The following EYA3 variants were observed in gnomAD, a reference collection of about 807,000 sequenced individuals.
The protein encoded by EYA3 is EYA transcriptional coactivator and phosphatase 3.
Under a neutral mutation model 80.0 loss-of-function variants are expected in EYA3, and 39 were observed. That is an observed-to-expected ratio of 0.49 (90% CI 0.38 to 0.64). The LOEUF is 0.64. Ranked by LOEUF, EYA3 falls within the 30% of genes least tolerant of loss-of-function variation. The probability of loss-of-function intolerance (pLI) is 0.00; values close to 1 mark genes in which losing one functional copy is unlikely to be tolerated. For missense variants in EYA3, 523 were observed against 676.1 expected (o/e 0.77, Z 2.51); for synonymous variants, 206 against 232.8 (o/e 0.88, Z 1.05).
intron 1 of EYA3, among the ~76,000 whole-genome samples, chr1:28,064,401 T>C (rs1325856695): frequency 3.4e-5 from 5 of 144,952 alleles, no homozygotes; most frequent in Non-Finnish European, 7.5e-5. Flanking sequence ...TATAAATATA[T>C]AGAGCCTGCG....
rs372723601 is a variant in EYA3, at chr1:28,072,727, G to T, written c.-68-14633C>A. The stretch of plus-strand genomic sequence containing the variant: ...TACAATCCTTCAATCCCATTCCGAG[G>T]TATCTACCTAAGTGAAAAGAATACT... On this transcript the variant is annotated intron_variant, in intron 1 of 17. Transcript: ENST00000373871. Among the ~76,000 whole-genome samples, 12 of 152,118 alleles carry T rather than the reference G, an allele frequency of 7.9e-5. No individual in the cohort carries two copies. The East Asian group carries it at 2.3e-3, about 29-fold the overall frequency.
chr1:28,032,581 TAA>T (rs1643213227), intron 6 of EYA3, among the ~76,000 whole-genome samples: 1 of 152,162 alleles, frequency 6.6e-6, no homozygotes, highest in Admixed American at 6.6e-5. Flanking sequence ...CAGTGGCACC[TAA>T]AGGCATATTT....
In EYA3 at chr1:28,074,076, GTTTA is replaced by G. The variant is rs1414391098; in HGVS notation, c.-69+14444_-69+14447del. ...AACTATAAAAACAGTTGGATCAACA[GTTTA>G]TTTATGAGTACAGAGATTGAAATGT... On this transcript the variant is annotated intron_variant, in intron 1 of 17. Coordinates refer to ENST00000373871, the MANE Select transcript of EYA3 (RefSeq NM_001990.4). 4.6e-5 allele frequency among the ~76,000 whole-genome samples: 7 copies of G among 152,290 alleles called. No individual in the cohort carries two copies. In the East Asian group the frequency reaches 1.2e-3, roughly 25 times the overall value.
At chr1:27,982,003 TA>T (rs1639335865) in intron 16 of EYA3, among the ~76,000 whole-genome samples, 1 of 140,384 alleles carries the variant, frequency 7.1e-6, no homozygotes, top group African/African-American at 2.7e-5. Flanking sequence ...CACACCTGGC[TA>T]ATTTTTTTTT....
chr1:28,063,331 G>A, intron 1 of EYA3, among the ~76,000 whole-genome samples: 1 of 140,180 alleles, frequency 7.1e-6, no homozygotes. Flanking sequence ...AATTTTTTTT[G>A]GGGGGGGAAA....
intron 4 of EYA3, 23 bp downstream of exon 4, chr1:28,042,548 C>A: frequency 6.3e-7 from 1 of 1,588,352 alleles, no homozygotes; most frequent in South Asian, 1.1e-5. Flanking sequence ...TCTGTTCAAT[C>A]ATGCACAGAA....
At chr1:28,047,422 A>T (rs1644053132) in intron 3 of EYA3, among the ~76,000 whole-genome samples, 1 of 152,160 alleles carries the variant, frequency 6.6e-6, no homozygotes, top group African/African-American at 2.4e-5. Flanking sequence ...AGTTTAAGAC[A>T]TCATATGGCT....
Position 28,038,838 on chromosome 1 carries a change from C to G in EYA3, c.224+1G>C, listed in dbSNP as rs1171784131. On this transcript the variant is annotated splice_donor_variant, in intron 5 of 17. Coordinates refer to ENST00000373871, the MANE Select transcript of EYA3 (RefSeq NM_001990.4). LOFTEE classifies it high-confidence loss of function. ...ATTTTGGAAATAATTATTCAACTTACTTTGCAGAATACATTTGTGAGGTAT... is the reference window on the plus strand; with the variant it reads ...ATTTTGGAAATAATTATTCAACTTAGTTTGCAGAATACATTTGTGAGGTAT... 1 of 1,545,522 alleles carries G rather than the reference C, an allele frequency of 6.5e-7. No homozygotes were observed. Among genetic ancestry groups the G allele is most frequent in the East Asian group, 2.3e-5 (1 of 43,424 alleles).
intron 1 of EYA3, among the ~76,000 whole-genome samples, chr1:28,059,204 A>C (rs182956529): frequency 6.6e-6 from 1 of 152,336 alleles, no homozygotes; most frequent in East Asian, 1.9e-4. Flanking sequence ...TGAAAAGGAG[A>C]GAAAACACAC....
chr1:28,037,561 AG>A (rs1438068202), intron 5 of EYA3, among the ~76,000 whole-genome samples: 4 of 140,430 alleles, frequency 2.8e-5, no homozygotes, highest in African/African-American at 1.2e-4. Context: ...TTTTTCATGC[AG>A]AGTCTTTGTA....
At chr1:28,084,868 CA>C (rs1311380869) in intron 1 of EYA3, among the ~76,000 whole-genome samples, 1 of 151,578 alleles carries the variant, frequency 6.6e-6, no homozygotes, top group Non-Finnish European at 1.5e-5. Flanking sequence ...CTTGGCCTCC[CA>C]AAGTGCTGAC....
At chr1:27,977,467 A>G in intron 17 of EYA3, 1 of 1,372,072 alleles carries the variant, frequency 7.3e-7, no homozygotes, top group South Asian at 1.3e-5. Context: ...CTCAAAGAGG[A>G]TAATTGTTCA....
intron 7 of EYA3, among the ~76,000 whole-genome samples, chr1:28,020,631 T>G (rs36197101): frequency 0.13 from 20,242 of 150,530 alleles, 1,808 homozygotes; most frequent in Middle Eastern, 0.23. Context: ...CAGCTATGAC[T>G]AAAAAGCCAG....
intron 13 of EYA3, among the ~76,000 whole-genome samples, chr1:27,997,085 C>T (rs1036169360): frequency 8.5e-5 from 13 of 152,198 alleles, no homozygotes; most frequent in African/African-American, 3.1e-4. Flanking sequence ...CCAGTGTTGG[C>T]ACTACCCACT....
At chr1:28,071,408 ATAGT>A (rs1226304055) in intron 1 of EYA3, among the ~76,000 whole-genome samples, 2 of 152,154 alleles carry the variant, frequency 1.3e-5, no homozygotes, top group Non-Finnish European at 2.9e-5. Flanking sequence ...CTCTCATGTA[ATAGT>A]TATACAGTAA....
At chr1:27,975,675 T>A (rs1241820949) in intron 17 of EYA3, among the ~76,000 whole-genome samples, 1 of 151,724 alleles carries the variant, frequency 6.6e-6, no homozygotes, top group African/African-American at 2.4e-5. Context: ...TTAGTAGAGA[T>A]GGGGTTTCAC....
intron 10 of EYA3, among the ~76,000 whole-genome samples, chr1:28,006,503 G>A (rs980166698): frequency 3.3e-5 from 5 of 152,062 alleles, no homozygotes; most frequent in African/African-American, 7.2e-5. Flanking sequence ...TCAGGAGATA[G>A]AGACCATCCT....
chr1:28,067,281 T>C (rs1473309101), intron 1 of EYA3, among the ~76,000 whole-genome samples: 1 of 152,182 alleles, frequency 6.6e-6, no homozygotes, highest in Non-Finnish European at 1.5e-5. Context: ...AAACAACATG[T>C]GAACAATAAG....
chr1:28,002,096 G>T (rs1640899586), intron 11 of EYA3, among the ~76,000 whole-genome samples: 2 of 151,702 alleles, frequency 1.3e-5, no homozygotes. Context: ...TGTATTTTTA[G>T]TAGAGACGGG....
Sources: allele counts gnomAD v4.1 joint callset (sites outside exome capture counted in the v4.1 genomes callset), GRCh38; gene constraint gnomAD v4.1.1; transcripts MANE v1.5; gene names NCBI Gene and HGNC (gene_info 2026-07-23, HGNC 2026-07-21).